TTC4: variants seen among roughly 807,000 people sequenced by gnomAD.
TTC4 encodes tetratricopeptide repeat domain 4.
A neutral mutation model predicts 51.9 loss-of-function variants in TTC4; 36 were observed. That is an observed-to-expected ratio of 0.69 (90% CI 0.53 to 0.92). The LOEUF (loss-of-function observed/expected upper bound fraction) is 0.92. Ranked by LOEUF, TTC4 falls within the 40% of genes least tolerant of loss-of-function variation. The pLI is 0.00. For missense variants in TTC4, 399 were observed against 454.6 expected (o/e 0.88, Z 1.11); for synonymous variants, 144 against 164.2 (o/e 0.88, Z 0.94).
At chr1:54,727,539 A>AAAGTT (rs56888857) in intron 5 of TTC4, among the ~76,000 whole-genome samples, 18,160 of 151,950 alleles carry the variant, frequency 0.12, 1,765 homozygotes, top group African/African-American at 0.26. Flanking sequence ...AAAAAAATGA[A>AAAGTT]AAGATAAATG....
At chr1:54,732,227 A>G (rs570701312) in intron 7 of TTC4, among the ~76,000 whole-genome samples, 53 of 150,308 alleles carry the variant, frequency 3.5e-4, no homozygotes, top group Admixed American at 3.1e-3. Context: ...AGGCTGAGGC[A>G]TGAGAATCAC....
At position 54,731,577 on chromosome 1, in the gene TTC4, C is replaced by T; in HGVS notation, c.773C>T (p.Thr258Ile). The T allele has an allele frequency of 3.1e-6, 5 of 1,614,118 alleles. No homozygotes were observed. In the South Asian group the frequency reaches 4.4e-5, roughly 14 times the overall value. ...LGELFLDGLS[T>I]ENPHGARLSL... ...GAGCTTTTCCTGGATGGACTCAGCACTGAGAACCCCCATGGAGCCAGGCTG... is the reference window on the plus strand; with the variant it reads ...GAGCTTTTCCTGGATGGACTCAGCATTGAGAACCCCCATGGAGCCAGGCTG... The change falls in exon 7 of 10, where the codon ACT becomes ATT. Residue 258 changes from threonine to isoleucine, a missense_variant. By Grantham distance (89) the Thr-to-Ile change is moderately conservative. Coordinates refer to ENST00000371281, the MANE Select transcript of TTC4 (RefSeq NM_004623.5).
Position 54,736,234 on chromosome 1 carries a change from A to T in TTC4, c.979-1348A>T, listed in dbSNP as rs1321544298. On this transcript the variant is annotated intron_variant, in intron 8 of 9. Coordinates refer to ENST00000371281, the MANE Select transcript of TTC4 (RefSeq NM_004623.5). The stretch of plus-strand genomic sequence containing the variant: ...AGAGAGAGAGAGAGAAGAGGAGAGG[A>T]GAGAGAAGAGAGGAGAGAGGAGAGA... 2.0e-3 allele frequency among the ~76,000 whole-genome samples: 240 copies of T among 118,418 alleles called. 21 individuals carry two copies. Among genetic ancestry groups the T allele is most frequent in the African/African-American group, 9.4e-3 (215 of 22,924 alleles). The allele number at this position is 118,418 out of a possible 152,430, so 77.7% of individuals were successfully genotyped here. A position where few individuals can be genotyped will look rare whatever the true frequency, so the allele number is the denominator to read the frequency against.
At chr1:54,731,377 T>C in intron 6 of TTC4, 109 bp from the exon 7 acceptor site, 1 of 986,230 alleles carries the variant, frequency 1.0e-6, no homozygotes, top group Non-Finnish European at 1.4e-6. Context: ...AAATAAAAAA[T>C]AAAAAAATTA....
intron 7 of TTC4, among the ~76,000 whole-genome samples, chr1:54,732,712 G>A (rs1645882528): frequency 6.6e-6 from 1 of 151,454 alleles, no homozygotes; most frequent in Non-Finnish European, 1.5e-5. Flanking sequence ...CTCCCACCTC[G>A]GCCTCCCAAA....
rs1645897311 is a variant in TTC4 at position 54,733,688 on chromosome 1, A to C, written c.956A>C (p.Lys319Thr). ...ACACCCTCTTGGGACCTAGAGCAAA[A>C]ATATTGCCCTGATAATTTGGAGGTA... The part of the protein sequence containing the change: ...GETPSWDLEQ[K>T]YCPDNLEVYF... The change falls in exon 8 of 10, where the codon AAA becomes ACA. Residue 319 changes from lysine (K) to threonine (T), a missense_variant. Physicochemically the swap from Lys to Thr is moderately conservative, Grantham distance 78 (BLOSUM62 -1). Coordinates refer to ENST00000371281, the MANE Select transcript of TTC4 (RefSeq NM_004623.5). The C allele has an allele frequency of 6.3e-7, 1 of 1,599,992 alleles. No individual in the cohort carries two copies. The highest frequency in any genetic ancestry group is 1.3e-5 in the African/African-American group (1 of 74,464).
At chr1:54,724,779 TGTCA>T (rs957148543) in intron 5 of TTC4, among the ~76,000 whole-genome samples, 2 of 152,162 alleles carry the variant, frequency 1.3e-5, no homozygotes, top group African/African-American at 4.8e-5. Context: ...AGAGGGGTAG[TGTCA>T]ATCACAGTGG....
In TTC4 at chr1:54,722,777, G is replaced by T; in HGVS notation, c.572G>T (p.Arg191Met). 6.2e-7 allele frequency: 1 copy of T among 1,613,854 alleles called. No individual in the cohort carries two copies. The highest frequency in any genetic ancestry group is 8.5e-7 in the Non-Finnish European group (1 of 1,179,884). ...DAKEKKLLEM[R>M]AKADKLKRIE... ...AAAGAGAAGAAGCTTCTGGAAATGAGGGCTAAAGCAGACAAGCTGAAGGTT... is the reference window on the plus strand; with the variant it reads ...AAAGAGAAGAAGCTTCTGGAAATGATGGCTAAAGCAGACAAGCTGAAGGTT... Residue 191 changes from arginine (R) to methionine (M), a missense_variant, in exon 5 of 10, where the codon AGG becomes ATG. By Grantham distance (91) the Arg-to-Met change is moderately conservative. Transcript: ENST00000371281.
intron 2 of TTC4, among the ~76,000 whole-genome samples, 160 bp downstream of exon 2, chr1:54,716,877 C>T (rs3737823): frequency 0.094 from 14,361 of 152,150 alleles, 964 homozygotes; most frequent in South Asian, 0.19. Flanking sequence ...GTGGTAAGGA[C>T]TGGGGATACA....
intron 8 of TTC4, among the ~76,000 whole-genome samples, chr1:54,736,445 C>T (rs1362638859): frequency 6.6e-6 from 1 of 151,916 alleles, no homozygotes; most frequent in Non-Finnish European, 1.5e-5. Flanking sequence ...TCTTGGCTCA[C>T]TGCCAAGATC....
intron 3 of TTC4, among the ~76,000 whole-genome samples, chr1:54,719,668 G>A (rs964367179): frequency 6.6e-6 from 1 of 152,066 alleles, no homozygotes; most frequent in Non-Finnish European, 1.5e-5. Flanking sequence ...AATAGCTAAA[G>A]TTGCATCATA....
rs1037033391 is a variant in TTC4, at chr1:54,717,542, G to A, written c.280G>A (p.Asp94Asn). Residue 94 changes from aspartate to asparagine, a missense_variant, in exon 3 of 10, where the codon GAC (aspartate) becomes AAC (asparagine). Around this residue, in one of 3 missense-constraint regions of TTC4, gnomAD observed 316 missense variants for 349.6 expected, o/e 0.90. Coordinates refer to ENST00000371281, the MANE Select transcript of TTC4 (RefSeq NM_004623.5). ...DEGNDYFKEK[D>N]YKKAVISYTE... ...GGGCAATGATTACTTTAAAGAAAAA[G>A]ACTACAAGAAAGCTGTAATTTCATA... 1.2e-6 allele frequency: 2 copies of A among 1,609,978 alleles called. No homozygotes were observed. Among genetic ancestry groups the A allele is most frequent in the African/African-American group, 2.7e-5 (2 of 74,710 alleles).
chr1:54,718,299 C>T (rs1015106736), intron 3 of TTC4, among the ~76,000 whole-genome samples: 29 of 152,152 alleles, frequency 1.9e-4, no homozygotes, highest in African/African-American at 6.5e-4. Context: ...CTCAAGGCTA[C>T]AGGGAGCCAT....
At chr1:54,721,293 T>G (rs761709288) in intron 4 of TTC4, 53 bp downstream of exon 4, 1 of 1,567,268 alleles carries the variant, frequency 6.4e-7, no homozygotes, top group African/African-American at 1.4e-5. Context: ...ATGAAGGTGC[T>G]AGGATACTAA....
In TTC4 at chr1:54,730,664, A is replaced by G. The variant is rs141820939; in HGVS notation, c.682-822A>G. Among the ~76,000 whole-genome samples the G allele has an allele frequency of 1.9e-3, 293 of 152,310 alleles. 1 individual carries two copies. Among genetic ancestry groups the G allele is most frequent in the African/African-American group, 6.9e-3 (287 of 41,562 alleles). ...TAACCTTAGGCACCCCTGCACACTT[A>G]CATAAGAGGTGACCCTACTATTTCA... On this transcript the variant is annotated intron_variant, in intron 6 of 9. Transcript: ENST00000371281.
intron 7 of TTC4, 123 bp downstream of exon 7, chr1:54,731,823 C>A: frequency 1.1e-6 from 1 of 926,612 alleles, no homozygotes; most frequent in South Asian, 1.7e-5. Flanking sequence ...TTCACACCAT[C>A]TGGTTTGATA....
At chr1:54,725,654 C>G (rs1329351663) in intron 5 of TTC4, among the ~76,000 whole-genome samples, 1 of 152,124 alleles carries the variant, frequency 6.6e-6, no homozygotes, top group Non-Finnish European at 1.5e-5. Flanking sequence ...GTGGGACTTA[C>G]TAGACAAAGA....
intron 9 of TTC4, among the ~76,000 whole-genome samples, chr1:54,738,575 C>T (rs565919079): frequency 6.6e-6 from 1 of 152,152 alleles, no homozygotes; most frequent in East Asian, 1.9e-4. Flanking sequence ...ACAGCCATAA[C>T]ACTCCAGACC....
intron 5 of TTC4, among the ~76,000 whole-genome samples, 162 bp from the exon 6 acceptor site, chr1:54,728,184 T>C (rs1221006478): frequency 2.6e-5 from 4 of 152,198 alleles, no homozygotes; most frequent in African/African-American, 9.6e-5. Context: ...CATCTAGGCA[T>C]GTACTTTGTA....
Sources: allele counts gnomAD v4.1 joint callset (sites outside exome capture counted in the v4.1 genomes callset), GRCh38; gene constraint gnomAD v4.1.1; regional missense constraint gnomAD v4.1.1; transcripts MANE v1.5; gene names NCBI Gene and HGNC (gene_info 2026-07-23, HGNC 2026-07-21).